FAM114A1: variants seen among roughly 807,000 people sequenced by gnomAD.
FAM114A1 encodes protein NOXP20.
A neutral mutation model predicts 64.3 loss-of-function variants in FAM114A1; 62 were observed. That is an observed-to-expected ratio of 0.96 (90% CI 0.79 to 1.19). The LOEUF (loss-of-function observed/expected upper bound fraction) is 1.19, where lower values mean the gene tolerates loss of function less well. Among genes scored for constraint, FAM114A1 ranks in the 50% most tolerant of loss-of-function variants. The pLI is 0.00. For missense variants in FAM114A1, 645 were observed against 676.3 expected (o/e 0.95, Z 0.51); for synonymous variants, 254 against 251.1 (o/e 1.01, Z -0.11).
At chr4:38,871,195 T>C (rs917252565) in intron 2 of FAM114A1, among the ~76,000 whole-genome samples, 9 of 149,170 alleles carry the variant, frequency 6.0e-5, no homozygotes, top group South Asian at 2.2e-4. Context: ...GTTCAAGCAA[T>C]TCTCATGCCT....
At chr4:38,893,632 A>G (rs1716610913) in intron 4 of FAM114A1, among the ~76,000 whole-genome samples, 1 of 152,170 alleles carries the variant, frequency 6.6e-6, no homozygotes, top group African/African-American at 2.4e-5. Context: ...GTTGTTTCTC[A>G]TTCAGTGTCT....
intron 3 of FAM114A1, among the ~76,000 whole-genome samples, chr4:38,886,927 C>CAAA (rs570020908): frequency 1.7e-5 from 1 of 58,918 alleles, no homozygotes; most frequent in Non-Finnish European, 3.8e-5. Context: ...GACTCCGTCT[C>CAAA]AAAAAAAAAA....
Position 38,922,755 on chromosome 4 carries a change from T to G in FAM114A1, c.946-15T>G, listed in dbSNP as rs1345670234. 2.5e-6 allele frequency: 4 copies of G among 1,605,986 alleles called. No individual in the cohort carries two copies. Among genetic ancestry groups the G allele is most frequent in the African/African-American group, 1.3e-5 (1 of 74,430 alleles). ...AGAAAAGATGACAGTCGTGCTGACC[T>G]ATTTCTTTTTTCAGGTTCAGTCATT... On this transcript the variant is annotated splice_polypyrimidine_tract_variant and intron_variant, in intron 8 of 14. Transcript: ENST00000358869.
Position 38,931,533 on chromosome 4 carries a change from CAAAG to C in FAM114A1, c.1247_1250del (p.Lys416ArgfsTer24), listed in dbSNP as rs781099123. ...GTGGCAAAAGTGTCCGAAGAAGAAA[CAAAG>C]AAGGAAGAAAAGGAAGAGAAATCTC... On this transcript the variant is annotated frameshift_variant, in exon 11 of 15. Coordinates refer to ENST00000358869, the MANE Select transcript of FAM114A1 (RefSeq NM_138389.4). LOFTEE classifies it high-confidence loss of function. 7 of 1,613,536 alleles carry C rather than the reference CAAAG, an allele frequency of 4.3e-6. No individual in the cohort carries two copies. The highest frequency in any genetic ancestry group is 3.3e-5 in the South Asian group (3 of 91,022).
chr4:38,871,789 C>T (rs935827744), intron 2 of FAM114A1, among the ~76,000 whole-genome samples: 2 of 152,202 alleles, frequency 1.3e-5, no homozygotes, highest in African/African-American at 4.8e-5. Flanking sequence ...TAAACCCACA[C>T]ATGTATTAGC....
At chr4:38,907,388 CT>C (rs1203825560) in intron 6 of FAM114A1, among the ~76,000 whole-genome samples, 7 of 152,176 alleles carry the variant, frequency 4.6e-5, no homozygotes, top group Non-Finnish European at 1.0e-4. Flanking sequence ...TCTCTCCAAC[CT>C]TCTTGACCCC....
At position 38,931,434 on chromosome 4, in the gene FAM114A1, G is replaced by T. The variant is rs773166060; in HGVS notation, c.1162-17G>T. 3.1e-6 allele frequency: 5 copies of T among 1,589,528 alleles called. No homozygotes were observed. Among genetic ancestry groups the T allele is most frequent in the Non-Finnish European group, 3.4e-6 (4 of 1,172,476 alleles). On this transcript the variant is annotated splice_polypyrimidine_tract_variant and intron_variant, in intron 10 of 14. Transcript: ENST00000358869. ...ATTTGCGCCATAAAAGGATTGTTTGGTTGGGGACCTCTGCAGGCCATGAAG... is the reference window on the plus strand; with the variant it reads ...ATTTGCGCCATAAAAGGATTGTTTGTTTGGGGACCTCTGCAGGCCATGAAG...
chr4:38,899,454 G>A (rs192387883), intron 4 of FAM114A1, among the ~76,000 whole-genome samples: 39 of 152,206 alleles, frequency 2.6e-4, no homozygotes, highest in Admixed American at 1.5e-3. Flanking sequence ...TTAGTTGAGC[G>A]CTGTCAGTAG....
Position 38,878,263 on chromosome 4 carries a change from G to T in FAM114A1, c.185G>T (p.Gly62Val). The change falls in exon 3 of 15, where the codon GGG becomes GTG. Residue 62 changes from glycine to valine, a missense_variant. By Grantham distance (109) the Gly-to-Val change is moderately radical. Coordinates refer to ENST00000358869, the MANE Select transcript of FAM114A1 (RefSeq NM_138389.4). ...GAAAATGCAGCTGTGCAGGGTGCAG[G>T]GGCTGCCGCCATTGGGCCCCCTGTG... is the stretch of plus-strand genomic sequence containing the variant. ...GHENAAVQGA[G>V]AAAIGPPVQP... is the part of the protein sequence containing the mutation. 6.2e-7 allele frequency: 1 copy of T among 1,614,212 alleles called. No individual in the cohort carries two copies. Among genetic ancestry groups the T allele is most frequent in the African/African-American group, 1.3e-5 (1 of 75,056 alleles).
intron 8 of FAM114A1, among the ~76,000 whole-genome samples, chr4:38,920,054 C>A (rs1235497934): frequency 6.6e-6 from 1 of 151,992 alleles, no homozygotes; most frequent in Non-Finnish European, 1.5e-5. Context: ...ACAAAAAATA[C>A]AAAAATTAGC....
intron 3 of FAM114A1, among the ~76,000 whole-genome samples, chr4:38,889,595 C>T (rs1250563263): frequency 6.6e-6 from 1 of 152,108 alleles, no homozygotes; most frequent in Non-Finnish European, 1.5e-5. Flanking sequence ...GGCTCTTATG[C>T]CACTATTGTT....
At chr4:38,936,267 T>A (rs182590432) in intron 13 of FAM114A1, among the ~76,000 whole-genome samples, 41 of 151,466 alleles carry the variant, frequency 2.7e-4, no homozygotes, top group African/African-American at 9.0e-4. Flanking sequence ...TAATTTTTTT[T>A]ATATTTTTAG....
At chr4:38,886,521 C>A (rs1206717090) in intron 3 of FAM114A1, among the ~76,000 whole-genome samples, 1 of 151,838 alleles carries the variant, frequency 6.6e-6, no homozygotes, top group African/African-American at 2.4e-5. Context: ...GGAGCAGACA[C>A]CAGATAAGTT....
Position 38,883,043 on chromosome 4 carries a change from C to T in FAM114A1, c.348+4617C>T, listed in dbSNP as rs546231868. 3.9e-5 allele frequency among the ~76,000 whole-genome samples: 6 copies of T among 152,318 alleles called. No individual in the cohort carries two copies. In the East Asian group the frequency reaches 7.7e-4, roughly 20 times the overall value. On this transcript the variant is annotated intron_variant, in intron 3 of 14. Transcript: ENST00000358869. ...AGACTCAGAAGCCATTGAATTGAGC[C>T]TTCTCCTGTAGGAACCCACTCTACA...
intron 4 of FAM114A1, among the ~76,000 whole-genome samples, chr4:38,892,127 G>A (rs1457807224): frequency 4.6e-5 from 7 of 152,130 alleles, no homozygotes; most frequent in Admixed American, 4.6e-4. Flanking sequence ...CAAGTAGTAT[G>A]GCTTTTAGCC....
At chr4:38,915,103 A>T in intron 8 of FAM114A1, 30 bp downstream of exon 8, 1 of 1,607,762 alleles carries the variant, frequency 6.2e-7, no homozygotes, top group Non-Finnish European at 8.5e-7. Context: ...TTGAAATGGC[A>T]TGCTTAGTCA....
At chr4:38,937,937 A>G (rs1186284199) in intron 13 of FAM114A1, among the ~76,000 whole-genome samples, 1 of 151,800 alleles carries the variant, frequency 6.6e-6, no homozygotes, top group Non-Finnish European at 1.5e-5. Flanking sequence ...GGGTTTCACC[A>G]TGTTGGCCAG....
chr4:38,932,350 A>AG lies in FAM114A1; in HGVS notation c.1441dup (p.Asp481GlyfsTer16), dbSNP rs372284491. ...GGACAAGAAGAGGAAAAACCAGCTC[A>AG]GGACCAAGCAAAAGTTCTAATAAAG... On this transcript the variant is annotated frameshift_variant, in exon 12 of 15. Coordinates refer to ENST00000358869, the MANE Select transcript of FAM114A1 (RefSeq NM_138389.4). LOFTEE classifies it high-confidence loss of function. 3.0e-5 allele frequency: 48 copies of AG among 1,589,456 alleles called. No homozygotes were observed. The African/African-American group carries it at 5.6e-4, about 19-fold the overall frequency.
rs1444095297 is a variant in FAM114A1, at chr4:38,868,120, C to T, written c.-157-278C>T. On this transcript the variant is annotated intron_variant, in intron 1 of 14. Coordinates refer to ENST00000358869, the MANE Select transcript of FAM114A1 (RefSeq NM_138389.4). Reference sequence around the variant, plus strand: ...GCTCATGCACACACCCACACGCCCACACTCAGGGTCTGCCCCCTCGGCCTG... The same window carrying T: ...GCTCATGCACACACCCACACGCCCATACTCAGGGTCTGCCCCCTCGGCCTG... 1.1e-5 allele frequency: 3 copies of T among 260,948 alleles called. 1 individual carries two copies. The highest frequency in any genetic ancestry group is 4.0e-5 in the Admixed American group (1 of 24,788). The allele number at this position is 260,948 out of a possible 1,614,324, so 16.2% of individuals were successfully genotyped here. A position where few individuals can be genotyped will look rare whatever the true frequency, so the allele number is the denominator to read the frequency against.
Sources: allele counts gnomAD v4.1 joint callset (sites outside exome capture counted in the v4.1 genomes callset), GRCh38; gene constraint gnomAD v4.1.1; transcripts MANE v1.5; gene names NCBI Gene and HGNC (gene_info 2026-07-23, HGNC 2026-07-21).